The following MAP2K6 variants were observed in gnomAD, a reference collection of about 807,000 sequenced individuals.
The protein encoded by MAP2K6 is mitogen-activated protein kinase kinase 6.
In MAP2K6, 16 loss-of-function variants were observed where a neutral mutation model predicts 53.7. The ratio of observed to expected loss-of-function variants is 0.30; its 90% confidence interval spans 0.20 to 0.45. MAP2K6 has a LOEUF of 0.45. MAP2K6 is among the 20% of genes least tolerant of loss of function. MAP2K6 has a pLI of 1.00. For synonymous variants in MAP2K6, 132 were observed against 143.1 expected (o/e 0.92, Z 0.55); for missense variants, 204 against 411.9 (o/e 0.50, Z 4.37).
intron 10 of MAP2K6, among the ~76,000 whole-genome samples, chr17:69,534,719 A>C (rs1466964865): frequency 6.6e-6 from 1 of 152,110 alleles, no homozygotes; most frequent in Non-Finnish European, 1.5e-5. Context: ...CATTTGCTCA[A>C]AATGATCCCT....
chr17:69,424,088 T>C (rs948218331), intron 1 of MAP2K6, among the ~76,000 whole-genome samples: 1 of 152,192 alleles, frequency 6.6e-6, no homozygotes, highest in African/African-American at 2.4e-5. Context: ...CCAGTTATCA[T>C]CTCCTGCAAA....
intron 8 of MAP2K6, 133 bp from the exon 9 acceptor site, chr17:69,524,768 G>T: frequency 1.8e-6 from 1 of 567,626 alleles, no homozygotes; most frequent in Non-Finnish European, 3.3e-6. Flanking sequence ...GGTCTTCTTG[G>T]CCTTGGTGGC....
At chr17:69,519,726 C>G (rs950101623) in intron 5 of MAP2K6, 2 of 315,258 alleles carry the variant, frequency 6.3e-6, no homozygotes, top group East Asian at 8.1e-5. Context: ...TTGCTTAGAT[C>G]TCTTATAATT....
intron 1 of MAP2K6, among the ~76,000 whole-genome samples, chr17:69,441,841 G>C (rs992619485): frequency 6.6e-6 from 1 of 152,144 alleles, no homozygotes; most frequent in Non-Finnish European, 1.5e-5. Context: ...CGGGGCCTCT[G>C]TTGGCACCTG....
chr17:69,532,082 C>A (rs1567858701), intron 10 of MAP2K6, among the ~76,000 whole-genome samples: 1 of 152,150 alleles, frequency 6.6e-6, no homozygotes, highest in Admixed American at 6.5e-5. Flanking sequence ...GTGGGCCCAA[C>A]TGACCAGTCT....
At chr17:69,538,931 T>G (rs1911485395) in intron 11 of MAP2K6, among the ~76,000 whole-genome samples, 1 of 151,992 alleles carries the variant, frequency 6.6e-6, no homozygotes, top group African/African-American at 2.4e-5. Flanking sequence ...ATCCGATGTG[T>G]TAAAAAAAAA....
At chr17:69,491,300 C>T (rs200819785) in intron 1 of MAP2K6, among the ~76,000 whole-genome samples, 5 of 152,080 alleles carry the variant, frequency 3.3e-5, no homozygotes, top group African/African-American at 7.2e-5. Context: ...CGTGCCACCA[C>T]GCCCGGCTAA....
chr17:69,435,229 T>C (rs187383135), intron 1 of MAP2K6: 18 of 152,328 alleles, frequency 1.2e-4, no homozygotes, highest in Admixed American at 1.2e-3. Flanking sequence ...AGAGGAAGAA[T>C]GGCCTTTGAA....
rs1911903302 is a variant in MAP2K6 at position 69,547,015 on chromosome 17, CT to C, written c.*5264del. On this transcript the variant is annotated 3_prime_UTR_variant, in exon 12 of 12. Transcript: ENST00000590474. Reference sequence around the variant, plus strand: ...TTTATTCTCGGAGGTCTATGTTCCTCTTGTGTTTGAGTGCCTCTAGCACTGT... The same window carrying C: ...TTTATTCTCGGAGGTCTATGTTCCTCTGTGTTTGAGTGCCTCTAGCACTGT... The C allele has an allele frequency of 6.6e-6, 1 of 151,156 alleles. No individual in the cohort carries two copies. Among genetic ancestry groups the C allele is most frequent in the African/African-American group, 2.4e-5 (1 of 41,142 alleles). 9.4% of individuals were successfully genotyped at this position (151,156 alleles called of 1,614,324 possible).
At chr17:69,449,483 G>C (rs895736757) in intron 1 of MAP2K6, among the ~76,000 whole-genome samples, 1 of 96,428 alleles carries the variant, frequency 1.0e-5, no homozygotes, top group African/African-American at 3.6e-5. Flanking sequence ...CTGAGGTGTT[G>C]GTTGTCCTTT....
chr17:69,524,492 C>G (rs1397602987), intron 8 of MAP2K6, among the ~76,000 whole-genome samples: 1 of 151,252 alleles, frequency 6.6e-6, no homozygotes, highest in East Asian at 1.9e-4. Flanking sequence ...AGCTTCCTGT[C>G]TGTGTTTAGC....
chr17:69,462,081 C>T (rs757050760), intron 1 of MAP2K6, among the ~76,000 whole-genome samples: 7 of 152,100 alleles, frequency 4.6e-5, no homozygotes, highest in Non-Finnish European at 8.8e-5. Context: ...TGGTGGCATG[C>T]GAAAGTATGC....
intron 1 of MAP2K6, among the ~76,000 whole-genome samples, chr17:69,443,738 A>G (rs1461626098): frequency 1.3e-5 from 2 of 152,182 alleles, no homozygotes; most frequent in African/African-American, 2.4e-5. Flanking sequence ...CAGTGGCCAC[A>G]GTAGAGATTC....
chr17:69,468,524 C>G (rs756417563), intron 1 of MAP2K6, among the ~76,000 whole-genome samples: 2 of 152,120 alleles, frequency 1.3e-5, no homozygotes, highest in Non-Finnish European at 2.9e-5. Flanking sequence ...TAAACTGTTG[C>G]AAAGGAAACA....
chr17:69,524,249 C>T (rs1910644819), intron 8 of MAP2K6, among the ~76,000 whole-genome samples: 1 of 151,822 alleles, frequency 6.6e-6, no homozygotes, highest in Admixed American at 6.6e-5. Flanking sequence ...ATACACAATA[C>T]ATATAGCCTG....
chr17:69,516,806 A>T, intron 2 of MAP2K6, 49 bp from the exon 3 acceptor site: 1 of 1,366,070 alleles, frequency 7.3e-7, no homozygotes, highest in Non-Finnish European at 1.0e-6. Context: ...GGAAGGACAT[A>T]ATTGACTCAA....
At chr17:69,537,254 T>C (rs945899371) in intron 11 of MAP2K6, among the ~76,000 whole-genome samples, 5 of 152,342 alleles carry the variant, frequency 3.3e-5, no homozygotes, top group African/African-American at 1.2e-4. Context: ...GGGAGAAATA[T>C]ATAAAATTCA....
chr17:69,524,188 A>C (rs886753374), intron 8 of MAP2K6, among the ~76,000 whole-genome samples: 1 of 152,072 alleles, frequency 6.6e-6, no homozygotes, highest in Admixed American at 6.6e-5. Context: ...AGTTATATAT[A>C]TATTACTTTA....
chr17:69,428,097 C>G (rs780287373), intron 1 of MAP2K6, among the ~76,000 whole-genome samples: 1 of 152,172 alleles, frequency 6.6e-6, no homozygotes, highest in Non-Finnish European at 1.5e-5. Flanking sequence ...TAGACTGATA[C>G]AAAAATGAAC....
Sources: gnomAD v4.1 joint callset for allele counts (sites outside exome capture counted in the v4.1 genomes callset) on GRCh38, gnomAD v4.1.1 for gene constraint, MANE v1.5 for transcripts, NCBI Gene and HGNC (gene_info 2026-07-23, HGNC 2026-07-21) for gene names.